Variants in MACF1 observed in about 807,000 individuals in gnomAD.
MACF1 encodes microtubule actin crosslinking factor 1.
MACF1 carries 193 observed loss-of-function variants against 854.8 expected under a neutral mutation model. The ratio of observed to expected loss-of-function variants is 0.23; its 90% confidence interval spans 0.20 to 0.25. The LOEUF is 0.25. Among genes scored for constraint, MACF1 ranks in the 10% least tolerant of loss-of-function variants. The pLI is 1.00. For missense variants in MACF1, 7,722 were observed against 8,929.1 expected, an observed-to-expected ratio of 0.86 and a Z score of 5.45; for synonymous variants, 3,185 against 3,226.7, an observed-to-expected ratio of 0.99 and a Z score of 0.44.
intron 20 of MACF1, among the ~76,000 whole-genome samples, chr1:39,297,008 C>T (rs1645933329): frequency 6.6e-6 from 1 of 151,878 alleles, no homozygotes; most frequent in Admixed American, 6.5e-5. Context: ...ACTGCAAACT[C>T]CGCCTCCCAG....
At chr1:39,445,607 G>A (rs1428557733) in intron 80 of MACF1, among the ~76,000 whole-genome samples, 1 of 152,196 alleles carries the variant, frequency 6.6e-6, no homozygotes, top group Non-Finnish European at 1.5e-5. Context: ...AAACCTTCTA[G>A]CATGGGATTG....
At chr1:39,447,315 C>T in intron 80 of MACF1, 117 bp from the exon 81 acceptor site, 2 of 932,220 alleles carry the variant, frequency 2.1e-6, no homozygotes, top group East Asian at 5.0e-5. Flanking sequence ...TTAAATGAGG[C>T]TTCCTTTTTA....
At chr1:39,185,843 TA>T (rs1644162113) in intron 2 of MACF1, among the ~76,000 whole-genome samples, 1 of 152,122 alleles carries the variant, frequency 6.6e-6, no homozygotes, top group Non-Finnish European at 1.5e-5. Context: ...CTTCATGAAA[TA>T]ACAAATCATT....
At chr1:39,243,067 T>C (rs1300182969) in intron 2 of MACF1, among the ~76,000 whole-genome samples, 1 of 152,190 alleles carries the variant, frequency 6.6e-6, no homozygotes, top group Non-Finnish European at 1.5e-5. Flanking sequence ...TCACCAGCAG[T>C]GTATGAGGGT....
Position 39,460,616 on chromosome 1 carries a change from T to C in MACF1, c.21361-16T>C. Reference sequence around the variant, plus strand: ...CCAAAAAATAAATCTTATTGACACTTCTGATTTCTGTGTAGTTGAAAGAAT... The same window carrying C: ...CCAAAAAATAAATCTTATTGACACTCCTGATTTCTGTGTAGTTGAAAGAAT... On this transcript the variant is annotated splice_polypyrimidine_tract_variant and intron_variant, in intron 91 of 100. Transcript: ENST00000564288. The surrounding 1 kb of genome is among the most constrained non-coding windows in gnomAD (Gnocchi z 4.1). 1 of 1,613,740 alleles carries C rather than the reference T, an allele frequency of 6.2e-7. No individual in the cohort carries two copies. Among genetic ancestry groups the C allele is most frequent in the Non-Finnish European group, 8.5e-7 (1 of 1,179,652 alleles).
Position 39,459,077 on chromosome 1 carries a change from TCC to T in MACF1, c.21197-8_21197-7del. 1 of 1,607,096 alleles carries T rather than the reference TCC, an allele frequency of 6.2e-7. No homozygotes were observed. Among genetic ancestry groups the T allele is most frequent in the African/African-American group, 1.3e-5 (1 of 74,660 alleles). ...GCTGTTCTAATCTTGTGATTATTTT[TCC>T]TTTTAGGGAAATCCCTAAGTCAGCC... On this transcript the variant is annotated splice_region_variant and splice_polypyrimidine_tract_variant and intron_variant, in intron 90 of 100. Coordinates refer to ENST00000564288, the MANE Select transcript of MACF1 (RefSeq NM_001394062.1).
chr1:39,106,561 G>A (rs1642243723), intron 2 of MACF1, among the ~76,000 whole-genome samples: 1 of 152,190 alleles, frequency 6.6e-6, no homozygotes, highest in Admixed American at 6.5e-5. Context: ...GGTTCTGGGA[G>A]TTTGCTTTGG....
At position 39,334,562 on chromosome 1, in the gene MACF1, G is replaced by A. The variant is rs1385066446; in HGVS notation, c.7974G>A (p.Gly2658=). 6.2e-7 allele frequency: 1 copy of A among 1,614,080 alleles called. No individual in the cohort carries two copies. The highest frequency in any genetic ancestry group is 2.2e-5 in the East Asian group (1 of 44,878). ...TTCCCTTCTCAGACATTAAAGATGGGGTGAGCGACAAAGTGCTTACATTGT... is the reference window on the plus strand; with the variant it reads ...TTCCCTTCTCAGACATTAAAGATGGAGTGAGCGACAAAGTGCTTACATTGT... The part of the protein sequence containing the change: ...EVIPFSDIKD[G]VSDKVLTLSQ... Residue 2658 remains glycine (G), a synonymous_variant, in exon 37 of 101, where the codon GGG becomes GGA. Transcript: ENST00000564288.
intron 2 of MACF1, among the ~76,000 whole-genome samples, chr1:39,242,281 C>T (rs944043173): frequency 6.7e-6 from 1 of 150,366 alleles, no homozygotes; most frequent in African/African-American, 2.4e-5. Context: ...ATCCAGGAGG[C>T]GGATACTGTA....
intron 99 of MACF1, among the ~76,000 whole-genome samples, chr1:39,484,148 G>A (rs913770152): frequency 2.0e-5 from 3 of 152,136 alleles, no homozygotes; most frequent in African/African-American, 4.8e-5. Flanking sequence ...GCGAGACTCC[G>A]TCTCAAAAAA....
At position 39,356,418 on chromosome 1, in the gene MACF1, G is replaced by C. The variant is rs146492646; in HGVS notation, c.11425-957G>C. On this transcript the variant is annotated intron_variant, in intron 44 of 100. Transcript: ENST00000564288. ...GATGGAGTCTCAAGTCTGTTGCCAG[G>C]CTGGAGTGCAGTGGCAGGGTCTTGG... Among the ~76,000 whole-genome samples the C allele has an allele frequency of 9.0e-3, 1,366 of 151,782 alleles. 22 individuals are homozygous for C. Among genetic ancestry groups the C allele is most frequent in the African/African-American group, 0.031 (1,282 of 41,304 alleles).
At chr1:39,203,537 C>T (rs1421835083), upstream of MACF1, among the ~76,000 whole-genome samples, 8 of 152,308 alleles carry the variant, frequency 5.3e-5, no homozygotes, top group East Asian at 1.4e-3. Flanking sequence ...TGTATACAGT[C>T]ATGGAACCAC....
In MACF1 at chr1:39,358,870, A is replaced by G. The variant is rs781245926; in HGVS notation, c.12117A>G (p.Thr4039=). ...PGVLQEQLAT[T]KQLQEELAEH... ...TTCTCCAGGAGCAGCTTGCAACAAC[A>G]AAGGTAAGTCAGGACACAGGCTGTG... Residue 4039 remains threonine, a synonymous_variant, in exon 46 of 101, where the codon ACA becomes ACG. Coordinates refer to ENST00000564288, the MANE Select transcript of MACF1 (RefSeq NM_001394062.1). The G allele has an allele frequency of 2.5e-6, 4 of 1,607,606 alleles. No homozygotes were observed. In the South Asian group the frequency reaches 4.4e-5, roughly 18 times the overall value.
chr1:39,455,068 C>A lies in MACF1; in HGVS notation c.21046C>A (p.Arg7016=). 1 of 1,614,106 alleles carries A rather than the reference C, an allele frequency of 6.2e-7. No individual in the cohort carries two copies. The highest frequency in any genetic ancestry group is 8.5e-7 in the Non-Finnish European group (1 of 1,179,982). The change falls in exon 89 of 101, where the codon CGA becomes AGA. Residue 7016 remains arginine, a synonymous_variant. Coordinates refer to ENST00000564288, the MANE Select transcript of MACF1 (RefSeq NM_001394062.1). ...DQEPIPQNID[R]VKALIAEHQT... Reference sequence around the variant, plus strand: ...GGAGCCAATCCCGCAGAACATTGACCGAGTTAAAGCCCTTATCGCTGAGCA... The same window carrying A: ...GGAGCCAATCCCGCAGAACATTGACAGAGTTAAAGCCCTTATCGCTGAGCA...
intron 1 of MACF1, among the ~76,000 whole-genome samples, chr1:39,227,950 C>T (rs1450430936): frequency 6.6e-6 from 1 of 152,190 alleles, no homozygotes; most frequent in Non-Finnish European, 1.5e-5. Flanking sequence ...GTAGGCTTAA[C>T]CTCTTATGTT....
At chr1:39,412,382 C>T (rs777937033) in intron 58 of MACF1, 3 of 1,614,044 alleles carry the variant, frequency 1.9e-6, no homozygotes, top group South Asian at 2.2e-5. Context: ...AATGTGGTCA[C>T]TTGTGAATTG....
rs893582306 is a variant in MACF1 at position 39,315,585 on chromosome 1, C to T, written c.3343C>T (p.His1115Tyr). The T allele has an allele frequency of 1.9e-6, 3 of 1,614,010 alleles. No individual in the cohort carries two copies. In the African/African-American group the frequency reaches 4.0e-5, roughly 22 times the overall value. Residue 1115 changes from histidine to tyrosine, a missense_variant, in exon 27 of 101, where the codon CAT (histidine) becomes TAT (tyrosine). His to Tyr is a moderately conservative substitution (Grantham distance 83). Transcript: ENST00000564288. ...TTCTATGAAATGTGACAGCTTTCTCCATCAGTCTCCATCTAGTTCAAGTGT... is the reference window on the plus strand; with the variant it reads ...TTCTATGAAATGTGACAGCTTTCTCTATCAGTCTCCATCTAGTTCAAGTGT... ...AVSMKCDSFL[H>Y]QSPSSSSVPT...
At chr1:39,414,229 C>G in intron 58 of MACF1, 1 of 1,614,030 alleles carries the variant, frequency 6.2e-7, no homozygotes, top group South Asian at 1.1e-5. Context: ...GCCTGCCATC[C>G]CAGCTGCTGC....
intron 2 of MACF1, among the ~76,000 whole-genome samples, chr1:39,169,561 C>T (rs1000750538): frequency 6.6e-5 from 10 of 150,884 alleles, no homozygotes; most frequent in African/African-American, 2.4e-4. Flanking sequence ...AGCCATGACC[C>T]TGTCACTGCA....
Sources: allele counts gnomAD v4.1 joint callset (sites outside exome capture counted in the v4.1 genomes callset), GRCh38; gene constraint gnomAD v4.1.1; non-coding constraint Gnocchi (gnomAD v3.1); transcripts MANE v1.5; gene names NCBI Gene and HGNC (gene_info 2026-07-23, HGNC 2026-07-21).